SDK2: variants seen among roughly 807,000 people sequenced by gnomAD.
SDK2 encodes sidekick cell adhesion molecule 2, also known as protein sidekick-2.
A neutral mutation model predicts 253.9 loss-of-function variants in SDK2; 105 were observed. The ratio of observed to expected loss-of-function variants is 0.41; its 90% CI spans 0.35 to 0.49. SDK2 has a LOEUF of 0.49. SDK2 is among the 20% of genes least tolerant of loss of function. The probability of loss-of-function intolerance (pLI) is 0.06; values close to 1 mark genes in which losing one functional copy is unlikely to be tolerated. For missense variants in SDK2, 2,608 were observed against 3,003.0 expected, an observed-to-expected ratio of 0.87 and a Z score of 3.07; for synonymous variants, 1,249 against 1,234.9, an observed-to-expected ratio of 1.01 and a Z score of -0.24.
chr17:73,522,408 A>G (rs1254776245), intron 1 of SDK2, among the ~76,000 whole-genome samples: 1 of 152,070 alleles, frequency 6.6e-6, no homozygotes, highest in Non-Finnish European at 1.5e-5. Context: ...GAGTCTGCTG[A>G]AGGGGGGCAG....
intron 1 of SDK2, among the ~76,000 whole-genome samples, chr17:73,566,315 A>ATGTG (rs1348465708): frequency 1.4e-4 from 16 of 111,820 alleles, no homozygotes; most frequent in African/African-American, 4.6e-4. Context: ...ATTCTTATAT[A>ATGTG]TATATGTGTG....
At chr17:73,580,019 G>A (rs1322121145) in intron 1 of SDK2, among the ~76,000 whole-genome samples, 4 of 151,572 alleles carry the variant, frequency 2.6e-5, no homozygotes, top group Non-Finnish European at 4.4e-5. Context: ...AGGTTAGGAT[G>A]CAGACACACA....
intron 36 of SDK2, among the ~76,000 whole-genome samples, chr17:73,375,916 C>G (rs762036808): frequency 8.0e-5 from 12 of 150,538 alleles, no homozygotes; most frequent in Non-Finnish European, 1.5e-4. Context: ...AAATTTCAGG[C>G]TGGATGCGCT....
chr17:73,354,436 T>C (rs1157327063), intron 40 of SDK2, among the ~76,000 whole-genome samples: 1 of 152,110 alleles, frequency 6.6e-6, no homozygotes, highest in South Asian at 2.1e-4. Context: ...GGGGCATCCA[T>C]CATGTTGGTG....
intron 3 of SDK2, among the ~76,000 whole-genome samples, chr17:73,458,181 G>T (rs2063540843): frequency 1.3e-5 from 2 of 152,090 alleles, no homozygotes; most frequent in South Asian, 4.1e-4. Flanking sequence ...TTGTTATGTT[G>T]CCTAGGCTGG....
chr17:73,472,864 T>A (rs747301990), intron 2 of SDK2, among the ~76,000 whole-genome samples: 5 of 151,876 alleles, frequency 3.3e-5, no homozygotes, highest in Admixed American at 6.6e-5. Context: ...TAATGGGAAG[T>A]TTCCCTGCAC....
At chr17:73,581,338 G>C (rs2045531484) in intron 1 of SDK2, among the ~76,000 whole-genome samples, 1 of 152,166 alleles carries the variant, frequency 6.6e-6, no homozygotes, top group South Asian at 2.1e-4. Context: ...AACGCTCCAG[G>C]TCAGCTCCCC....
At chr17:73,354,685 T>C (rs2062570144) in intron 40 of SDK2, among the ~76,000 whole-genome samples, 1 of 152,130 alleles carries the variant, frequency 6.6e-6, no homozygotes, top group Non-Finnish European at 1.5e-5. Context: ...TGGCCAACAG[T>C]GGGTCTTCCA....
In SDK2 at chr17:73,511,639, G is replaced by A. The variant is rs895984073; in HGVS notation, c.65-4042C>T. ...CCCTCGCCTCCTGTGGTCCTCACAA[G>A]GTTCCTCTCCCCAAGCTCCTGCGGT... On this transcript the variant is annotated intron_variant, in intron 1 of 44. Transcript: ENST00000392650. The surrounding 1 kb of genome is among the most constrained non-coding windows in gnomAD (Gnocchi z 4.9). Among the ~76,000 whole-genome samples the A allele has an allele frequency of 1.3e-5, 2 of 152,164 alleles. No individual in the cohort carries two copies. The highest frequency in any genetic ancestry group is 1.3e-4 in the Admixed American group (2 of 15,284).
intron 2 of SDK2, chr17:73,504,290 AAGAAAGAGAGAGGGAAAG>A (rs1252858648): frequency 5.7e-5 from 6 of 105,042 alleles, no homozygotes; most frequent in African/African-American, 1.4e-4. Flanking sequence ...GAGAGAGGGA[AAGAAAGAGAGAGGGAAAG>A]AGAGAGAGAG....
intron 1 of SDK2, chr17:73,517,142 AAAG>A (rs2064035959): frequency 6.6e-6 from 1 of 152,248 alleles, no homozygotes; most frequent in African/African-American, 2.4e-5. Context: ...AGCCTGAGAC[AAAG>A]AAGATGCTTG....
chr17:73,438,422 A>C (rs1259420604), intron 6 of SDK2, among the ~76,000 whole-genome samples: 1 of 152,204 alleles, frequency 6.6e-6, no homozygotes, highest in African/African-American at 2.4e-5. Flanking sequence ...TGCTTGGAAC[A>C]GGGCCTGCTG....
rs1218441171 is a variant in SDK2 at position 73,639,885 on chromosome 17, C to A, written c.64+4140G>T. On this transcript the variant is annotated intron_variant, in intron 1 of 44. Coordinates refer to ENST00000392650, the MANE Select transcript of SDK2 (RefSeq NM_001144952.2). This position sits in a 1 kb window ranked among gnomAD's most constrained non-coding sequence, Gnocchi z 4.3. ...ATCATCAAGGGTATGCAAGCAGAGA[C>A]CAGATGGCCTTGTGGGCAGACGACG... Among the ~76,000 whole-genome samples the A allele has an allele frequency of 2.0e-5, 3 of 152,114 alleles. No homozygotes were observed. Among genetic ancestry groups the A allele is most frequent in the Non-Finnish European group, 4.4e-5 (3 of 68,042 alleles).
intron 3 of SDK2, among the ~76,000 whole-genome samples, chr17:73,458,945 G>GGTGAGCC (rs1599586174): frequency 6.6e-6 from 1 of 152,072 alleles, no homozygotes; most frequent in African/African-American, 2.4e-5. Flanking sequence ...CGGAGGTTGC[G>GGTGAGCC]GTGAGCCGAG....
chr17:73,382,833 C>T (rs532260076), intron 33 of SDK2, among the ~76,000 whole-genome samples: 38 of 152,084 alleles, frequency 2.5e-4, no homozygotes, highest in African/African-American at 7.7e-4. Context: ...GAAACCCCGT[C>T]TCTACTAACA....
At chr17:73,522,227 G>A (rs531762816) in intron 1 of SDK2, among the ~76,000 whole-genome samples, 1 of 152,248 alleles carries the variant, frequency 6.6e-6, no homozygotes, top group Admixed American at 6.5e-5. Flanking sequence ...GGAGCTCCAG[G>A]GTGGGCGGAT....
At chr17:73,562,859 C>T (rs927005994) in intron 1 of SDK2, among the ~76,000 whole-genome samples, 2 of 152,330 alleles carry the variant, frequency 1.3e-5, no homozygotes, top group African/African-American at 2.4e-5. Context: ...AGCAGCCGCA[C>T]GAGGCAGGTT....
intron 1 of SDK2, among the ~76,000 whole-genome samples, chr17:73,552,277 G>A (rs1364149807): frequency 1.3e-5 from 2 of 152,192 alleles, no homozygotes; most frequent in Admixed American, 6.5e-5. Flanking sequence ...TTAATTTAAC[G>A]ACACATTTTT....
At chr17:73,473,665 C>T (rs2063667407) in intron 2 of SDK2, among the ~76,000 whole-genome samples, 1 of 152,216 alleles carries the variant, frequency 6.6e-6, no homozygotes, top group Admixed American at 6.5e-5. Context: ...CCTTCCGGAG[C>T]ACCATCTCTG....
Sources: gnomAD v4.1 joint callset for allele counts (sites outside exome capture counted in the v4.1 genomes callset) on GRCh38, gnomAD v4.1.1 for gene constraint, Gnocchi (gnomAD v3.1) non-coding constraint, MANE v1.5 for transcripts, NCBI Gene and HGNC (gene_info 2026-07-23, HGNC 2026-07-21) for gene names.